Variants in WDPCP observed in about 807,000 individuals in gnomAD.
The protein encoded by WDPCP is WD repeat containing planar cell polarity effector.
Under a neutral mutation model 93.1 loss-of-function variants are expected in WDPCP, and 71 were observed. That is an observed-to-expected ratio of 0.76 (90% confidence interval 0.63 to 0.93). The LOEUF is 0.93. Among genes scored for constraint, WDPCP ranks in the 40% least tolerant of loss-of-function variants. The pLI is 0.00. For missense variants in WDPCP, 844 were observed against 887.4 expected (o/e 0.95, Z 0.62); for synonymous variants, 315 against 315.0 (o/e 1.00, Z 0.00).
At chr2:63,526,603 T>A (rs1440425209) in intron 1 of WDPCP, among the ~76,000 whole-genome samples, 2 of 152,206 alleles carry the variant, frequency 1.3e-5, no homozygotes, top group Non-Finnish European at 2.9e-5. Flanking sequence ...TTTCTATTCC[T>A]CAAAAAATAT....
At chr2:63,797,132 T>C (rs1670627728) in intron 2 of WDPCP, among the ~76,000 whole-genome samples, 1 of 152,086 alleles carries the variant, frequency 6.6e-6, no homozygotes, top group Non-Finnish European at 1.5e-5. Flanking sequence ...CTTCCAGGAT[T>C]CATTACCTGT....
chr2:63,715,093 C>T (rs1669318710), intron 2 of WDPCP, among the ~76,000 whole-genome samples: 1 of 152,104 alleles, frequency 6.6e-6, no homozygotes. Context: ...ATGAAATATC[C>T]CGAATAGGTA....
At chr2:63,485,763 T>C (rs1700538481) in intron 4 of WDPCP, among the ~76,000 whole-genome samples, 1 of 151,778 alleles carries the variant, frequency 6.6e-6, no homozygotes, top group South Asian at 2.1e-4. Context: ...TTCTCCTCAT[T>C]AATAATTCTA....
intron 2 of WDPCP, among the ~76,000 whole-genome samples, chr2:63,763,713 G>A (rs1019656699): frequency 2.6e-5 from 4 of 152,070 alleles, no homozygotes; most frequent in Admixed American, 6.6e-5. Flanking sequence ...ACCTAAAAAG[G>A]ATATATTCAG....
At position 63,403,872 on chromosome 2, in the gene WDPCP, TC is replaced by T; in HGVS notation, c.1435+175del. ...TTACAAATTATTCAATATCTAGTGT[TC>T]CTTTGGCAGTTAGAAAGTCATCCAC... On this transcript the variant is annotated intron_variant, in intron 10 of 17. Transcript: ENST00000272321. 5 of 802,668 alleles carry T rather than the reference TC, an allele frequency of 6.2e-6. No individual in the cohort carries two copies. In the South Asian group the frequency reaches 9.3e-5, roughly 15 times the overall value. The allele number at this position is 802,668 out of a possible 1,614,324, so 49.7% of individuals were successfully genotyped here.
At position 63,174,767 on chromosome 2, in the gene WDPCP, G is replaced by T. The variant is rs369075461; in HGVS notation, c.1981C>A (p.Pro661Thr). ...TCTGGAAATGAGTCTTCTCCTTGAG[G>T]TGCTAAAGACAGGCCAATAAATGCT... ...NEAFIGLSLAPQGEDSFPDNL... is the reference protein window; with the variant it reads ...NEAFIGLSLATQGEDSFPDNL... Residue 661 changes from proline to threonine, a missense_variant, in exon 15 of 18, where the codon CCT becomes ACT. Coordinates refer to ENST00000272321, the MANE Select transcript of WDPCP (RefSeq NM_015910.7). The T allele has an allele frequency of 6.2e-7, 1 of 1,613,818 alleles. No homozygotes were observed. The highest frequency in any genetic ancestry group is 8.5e-7 in the Non-Finnish European group (1 of 1,179,926).
intron 2 of WDPCP, among the ~76,000 whole-genome samples, chr2:63,810,295 T>C (rs983477782): frequency 6.6e-6 from 1 of 152,226 alleles, no homozygotes; most frequent in Non-Finnish European, 1.5e-5. Context: ...ATCACCTCTG[T>C]CCTGCTGTGT....
chr2:63,298,566 C>T (rs1685058602), intron 13 of WDPCP, among the ~76,000 whole-genome samples: 1 of 152,094 alleles, frequency 6.6e-6, no homozygotes, highest in Non-Finnish European at 1.5e-5. Flanking sequence ...TTCCTGCTCT[C>T]AAGACTCCAA....
intron 14 of WDPCP, among the ~76,000 whole-genome samples, chr2:63,248,424 C>T (rs919397212): frequency 6.6e-6 from 1 of 152,114 alleles, no homozygotes; most frequent in African/African-American, 2.4e-5. Flanking sequence ...GTTGATTCTA[C>T]TTGAAGTTCA....
chr2:63,200,081 G>T lies in WDPCP; in HGVS notation c.1916-25249C>A, dbSNP rs1244031718. On this transcript the variant is annotated intron_variant, in intron 14 of 17. Transcript: ENST00000272321. ...CTTGCATGGGGCCTGTAGTCCCTTT[G>T]TTTTGGCTGATTTATCCCTTTTGGA... 2.0e-5 allele frequency among the ~76,000 whole-genome samples: 3 copies of T among 152,144 alleles called. No individual in the cohort carries two copies. The East Asian group carries it at 5.8e-4, about 29-fold the overall frequency.
intron 12 of WDPCP, among the ~76,000 whole-genome samples, chr2:63,355,281 C>A (rs1372606064): frequency 2.0e-5 from 3 of 152,098 alleles, no homozygotes; most frequent in African/African-American, 4.8e-5. Flanking sequence ...AGAGATTGGG[C>A]ACCTATATTC....
At chr2:63,512,250 A>G (rs145486419) in intron 1 of WDPCP, among the ~76,000 whole-genome samples, 2,959 of 152,210 alleles carry the variant, frequency 0.019, 84 homozygotes, top group African/African-American at 0.064. Flanking sequence ...AACAGATACT[A>G]GAGAGTATGT....
At chr2:63,711,459 AC>A (rs1432874080) in intron 2 of WDPCP, 2 of 152,208 alleles carry the variant, frequency 1.3e-5, no homozygotes, top group East Asian at 3.8e-4. Context: ...TAAATGGGTT[AC>A]AGAAATAGCT....
chr2:63,473,624 C>A (rs573092100), intron 6 of WDPCP, among the ~76,000 whole-genome samples: 3 of 151,888 alleles, frequency 2.0e-5, no homozygotes, highest in African/African-American at 4.8e-5. Flanking sequence ...AGTCAGGTAC[C>A]ACATAGCCAT....
At chr2:63,366,083 A>G (rs570152039) in intron 12 of WDPCP, among the ~76,000 whole-genome samples, 8 of 152,284 alleles carry the variant, frequency 5.3e-5, no homozygotes, top group African/African-American at 1.7e-4. Context: ...AGTACGAGGA[A>G]ATCTCACATA....
chr2:63,815,407 A>C (rs1670919142), intron 1 of WDPCP, among the ~76,000 whole-genome samples: 1 of 152,234 alleles, frequency 6.6e-6, no homozygotes, highest in Non-Finnish European at 1.5e-5. Context: ...ATTGTTCTAC[A>C]TTAGTGGAAT....
intron 2 of WDPCP, among the ~76,000 whole-genome samples, chr2:63,488,208 G>A (rs1700679065): frequency 6.6e-6 from 1 of 151,880 alleles, no homozygotes; most frequent in African/African-American, 2.4e-5. Context: ...TTTCATTGAA[G>A]GAACATTTGT....
At chr2:63,432,717 G>A (rs1433265462) in intron 9 of WDPCP, among the ~76,000 whole-genome samples, 1 of 152,106 alleles carries the variant, frequency 6.6e-6, no homozygotes, top group Non-Finnish European at 1.5e-5. Context: ...TTTTAAGCAG[G>A]CAATGTCTAA....
intron 17 of WDPCP, 133 bp from the exon 18 acceptor site, chr2:63,122,189 G>A (rs868469678): frequency 3.0e-5 from 21 of 710,686 alleles, no homozygotes; most frequent in Middle Eastern, 3.8e-4. Context: ...ACTGCACATA[G>A]ATACATAAGA....
Sources: gnomAD v4.1 joint callset for allele counts (sites outside exome capture counted in the v4.1 genomes callset) on GRCh38, gnomAD v4.1.1 for gene constraint, MANE v1.5 for transcripts, NCBI Gene and HGNC (gene_info 2026-07-23, HGNC 2026-07-21) for gene names.